Variants in BOC observed in about 807,000 individuals in gnomAD.
BOC encodes brother of CDO.
BOC carries 76 observed loss-of-function variants against 112.0 expected under a neutral mutation model. The observed-to-expected ratio is 0.68, with a 90% CI of 0.56 to 0.82. The LOEUF (loss-of-function observed/expected upper bound fraction) is 0.82, where lower values mean the gene tolerates loss of function less well. BOC is among the 40% of genes least tolerant of loss of function. BOC has a pLI of 0.00. For synonymous variants in BOC, 580 were observed against 599.8 expected, an observed-to-expected ratio of 0.97 and a Z score of 0.48; for missense variants, 1,309 against 1,511.7, an observed-to-expected ratio of 0.87 and a Z score of 2.22.
At chr3:113,272,816 G>A in intron 7 of BOC, 113 bp downstream of exon 7, 1 of 1,309,006 alleles carries the variant, frequency 7.6e-7, no homozygotes, top group Non-Finnish European at 1.1e-6. Flanking sequence ...AAGGCCACAT[G>A]CTGAGTGAGG....
In BOC at chr3:113,283,551, G is replaced by A. The variant is rs748144481; in HGVS notation, c.2575G>A (p.Val859Ile). The A allele has an allele frequency of 8.7e-6, 14 of 1,613,908 alleles. No individual in the cohort carries two copies. The highest frequency in any genetic ancestry group is 2.2e-5 in the East Asian group (1 of 44,844). ...ARSSDLPYLI[V>I]GVVLGSIVLI... is the part of the protein sequence containing the mutation. The stretch of plus-strand genomic sequence containing the variant: ...CTCCAGCGACCTGCCCTATCTGATT[G>A]TCGGGGTCGTCCTGGGCTCCATCGT... The change falls in exon 16 of 20, where the codon GTC becomes ATC. Residue 859 changes from valine (V) to isoleucine (I), a missense_variant. By Grantham distance (29) the Val-to-Ile change is conservative (BLOSUM62 3). Transcript: ENST00000682979.
At chr3:113,253,784 C>G (rs1945908551) in intron 4 of BOC, among the ~76,000 whole-genome samples, 1 of 152,098 alleles carries the variant, frequency 6.6e-6, no homozygotes, top group Non-Finnish European at 1.5e-5. Flanking sequence ...TGTTGCTGGA[C>G]AATTAGGGCC....
intron 2 of BOC, among the ~76,000 whole-genome samples, chr3:113,233,473 C>G (rs1942989312): frequency 6.6e-6 from 1 of 152,052 alleles, no homozygotes; most frequent in Non-Finnish European, 1.5e-5. Flanking sequence ...TCTTTTTAAC[C>G]CCCAGACCTC....
At chr3:113,276,413 G>T (rs1486350424) in intron 9 of BOC, among the ~76,000 whole-genome samples, 1 of 152,182 alleles carries the variant, frequency 6.6e-6, no homozygotes, top group African/African-American at 2.4e-5. Context: ...TACATGGGGC[G>T]CAGGGGAAGT....
intron 2 of BOC, among the ~76,000 whole-genome samples, chr3:113,231,730 T>A (rs1235285605): frequency 6.6e-6 from 1 of 152,214 alleles, no homozygotes; most frequent in Admixed American, 6.5e-5. Context: ...TATTTTAATA[T>A]CTGGTAGGTT....
chr3:113,265,020 C>T (rs1251566441), intron 4 of BOC, among the ~76,000 whole-genome samples: 1 of 152,206 alleles, frequency 6.6e-6, no homozygotes, highest in Admixed American at 6.5e-5. Flanking sequence ...CATGGCTGAC[C>T]AGTGCCCAGC....
At chr3:113,245,544 C>T (rs1944812543) in intron 2 of BOC, among the ~76,000 whole-genome samples, 1 of 152,198 alleles carries the variant, frequency 6.6e-6, no homozygotes, top group Admixed American at 6.5e-5. Context: ...AACACTTGCA[C>T]CCCAGACACT....
intron 2 of BOC, among the ~76,000 whole-genome samples, chr3:113,219,690 T>G (rs540092532): frequency 6.6e-6 from 1 of 152,300 alleles, no homozygotes; most frequent in East Asian, 1.9e-4. Flanking sequence ...GACTTGCTGT[T>G]AAGAGACTCA....
intron 15 of BOC, 61 bp downstream of exon 15, chr3:113,281,214 C>T: frequency 1.3e-6 from 2 of 1,594,520 alleles, no homozygotes; most frequent in Admixed American, 1.7e-5. Context: ...GGCAGAGTCA[C>T]CATTCCCTGT....
chr3:113,228,953 G>A (rs1942138041), intron 2 of BOC, among the ~76,000 whole-genome samples: 1 of 146,488 alleles, frequency 6.8e-6, no homozygotes, highest in Non-Finnish European at 1.5e-5. Context: ...CATGCATGAT[G>A]TATGTGTGTG....
At chr3:113,237,961 ATGAG>A (rs941997816) in intron 2 of BOC, among the ~76,000 whole-genome samples, 1 of 152,196 alleles carries the variant, frequency 6.6e-6, no homozygotes, top group Non-Finnish European at 1.5e-5. Context: ...CTTGCCTTCA[ATGAG>A]TTTATTGTCT....
rs1306228519 is a variant in BOC, at chr3:113,284,809, C to T, written c.2917C>T (p.Gln973Ter). 1 of 1,614,106 alleles carries T rather than the reference C, an allele frequency of 6.2e-7. No individual in the cohort carries two copies. Among genetic ancestry groups the T allele is most frequent in the East Asian group, 2.2e-5 (1 of 44,882 alleles). Reference protein sequence around the residue: ...QQSDTSSLLRQTHLGNGYDPQ... With the variant: ...QQSDTSSLLR ...GAGTGACACCAGCAGCCTGCTGAGG[C>T]AGACCCATCTTGGCAATGGATATGA... Residue 973 changes from glutamine (Q) to a stop codon, truncating the protein, a stop_gained, in exon 18 of 20, where the codon CAG (glutamine) becomes TAG (stop). Transcript: ENST00000682979. LOFTEE classifies it high-confidence loss of function.
rs1948480831 is a variant in BOC at position 113,274,677 on chromosome 3, C to T, written c.1537C>T (p.Arg513Cys). 6 of 1,591,270 alleles carry T rather than the reference C, an allele frequency of 3.8e-6. No homozygotes were observed. The highest frequency in any genetic ancestry group is 5.2e-6 in the Non-Finnish European group (6 of 1,164,154). ...APILYYVVKH[R>C]KQVTNSSDDW... is the part of the protein sequence containing the mutation. ...AATCCTCTACTATGTGGTGAAACACCGCAAGGTATGGCCCTGGTGTGGGGC... is the reference window on the plus strand; with the variant it reads ...AATCCTCTACTATGTGGTGAAACACTGCAAGGTATGGCCCTGGTGTGGGGC... Residue 513 changes from arginine to cysteine, a missense_variant, in exon 9 of 20, where the codon CGC (arginine) becomes TGC (cysteine). Transcript: ENST00000682979. This position sits in a 1 kb window ranked among gnomAD's most constrained non-coding sequence, Gnocchi z 4.8.
chr3:113,217,763 T>TA (rs1349984057), intron 2 of BOC, among the ~76,000 whole-genome samples: 1 of 152,160 alleles, frequency 6.6e-6, no homozygotes, highest in Admixed American at 6.5e-5. Context: ...TCAGCATAGT[T>TA]TTTTTTTAAA....
intron 1 of BOC, 195 bp downstream of exon 1, chr3:113,212,211 T>C (rs1409946439): frequency 6.7e-6 from 1 of 150,196 alleles, no homozygotes; most frequent in African/African-American, 2.4e-5. Context: ...CGGCCGAGGC[T>C]GGGCGCGCCG....
chr3:113,272,284 T>C, intron 6 of BOC, 126 bp from the exon 7 acceptor site: 1 of 1,049,218 alleles, frequency 9.5e-7, no homozygotes, highest in South Asian at 1.5e-5. Context: ...CCACTCTACA[T>C]AGGTTGAAAG....
chr3:113,233,849 G>T (rs1943056926), intron 2 of BOC, among the ~76,000 whole-genome samples: 1 of 125,378 alleles, frequency 8.0e-6, no homozygotes, highest in Non-Finnish European at 1.6e-5. Context: ...TGTCCTGCCT[G>T]CCTTCTCCAC....
At chr3:113,273,459 AG>A in intron 8 of BOC, 118 bp downstream of exon 8, 2 of 1,159,674 alleles carry the variant, frequency 1.7e-6, no homozygotes, top group Non-Finnish European at 2.3e-6. Flanking sequence ...TTTAGTTGTA[AG>A]CTCAAATTTA....
intron 1 of BOC, among the ~76,000 whole-genome samples, chr3:113,213,596 TTAAAG>T (rs1938701349): frequency 6.6e-6 from 1 of 152,190 alleles, no homozygotes; most frequent in Non-Finnish European, 1.5e-5. Flanking sequence ...TTTTCTGAAC[TTAAAG>T]TAAATCTGAG....
Sources: gnomAD v4.1 joint callset for allele counts (sites outside exome capture counted in the v4.1 genomes callset) on GRCh38, gnomAD v4.1.1 for gene constraint, Gnocchi (gnomAD v3.1) non-coding constraint, MANE v1.5 for transcripts, NCBI Gene and HGNC (gene_info 2026-07-23, HGNC 2026-07-21) for gene names.